Variants in HSD11B1L observed in about 807,000 individuals in gnomAD.
HSD11B1L encodes the protein hydroxysteroid 11-beta-dehydrogenase 1-like protein.
Under a neutral mutation model 27.0 loss-of-function variants are expected in HSD11B1L, and 22 were observed. That is an observed-to-expected ratio of 0.81 (90% CI 0.58 to 1.16). The LOEUF (loss-of-function observed/expected upper bound fraction) is 1.16. HSD11B1L is among the 50% of genes most tolerant of loss of function. HSD11B1L has a pLI of 0.00. For missense variants in HSD11B1L, 372 were observed against 401.8 expected (o/e 0.93, Z 0.63); for synonymous variants, 187 against 189.2 (o/e 0.99, Z 0.09).
At chr19:5,681,769 A>C (rs1047069984) in intron 1 of HSD11B1L, among the ~76,000 whole-genome samples, 8 of 149,384 alleles carry the variant, frequency 5.4e-5, no homozygotes, top group Non-Finnish European at 3.0e-5. Flanking sequence ...TCCGTCCATC[A>C]TCCATCCATC....
In HSD11B1L at chr19:5,685,396, C is replaced by G. The variant is rs749988984; in HGVS notation, c.204+277C>G. 7.2e-6 allele frequency: 4 copies of G among 555,208 alleles called. No homozygotes were observed. Among genetic ancestry groups the G allele is most frequent in the Non-Finnish European group, 1.4e-5 (4 of 295,242 alleles). The allele number at this position is 555,208 out of a possible 1,614,324, so 34.4% of individuals were successfully genotyped here. A position where few individuals can be genotyped will look rare whatever the true frequency, so the allele number is the denominator to read the frequency against. ...TTCAAGACCAGCCTGGCCAACATGGCGAAACCTGGTCTCTACTAAGAAGAC... is the reference window on the plus strand; with the variant it reads ...TTCAAGACCAGCCTGGCCAACATGGGGAAACCTGGTCTCTACTAAGAAGAC... On this transcript the variant is annotated intron_variant, in intron 3 of 7. Transcript: ENST00000339423. The surrounding 1 kb of genome is among the most constrained non-coding windows in gnomAD (Gnocchi z 4.3).
Position 5,683,461 on chromosome 19 carries a change from T to C in HSD11B1L, c.-14-1358T>C, listed in dbSNP as rs184481153. On this transcript the variant is annotated intron_variant, in intron 1 of 7. Coordinates refer to ENST00000339423, the MANE Select transcript of HSD11B1L (RefSeq NM_198706.3). ...CACTCCATGATCAATCTGGTACCTA[T>C]TGAGCACCTACTGTGTACCTGGCAC... 1.3e-3 allele frequency among the ~76,000 whole-genome samples: 203 copies of C among 152,250 alleles called. 2 individuals carry two copies. The highest frequency in any genetic ancestry group is 1.9e-3 in the Non-Finnish European group (126 of 68,018).
Position 5,684,874 on chromosome 19 carries a change from C to T in HSD11B1L, c.42C>T (p.Phe14=), listed in dbSNP as rs771610051. The T allele has an allele frequency of 1.2e-5, 19 of 1,613,864 alleles. No homozygotes were observed. Among genetic ancestry groups the T allele is most frequent in the East Asian group, 2.2e-5 (1 of 44,878 alleles). Residue 14 remains phenylalanine (F), a synonymous_variant, in exon 2 of 8, where the codon TTC becomes TTT. Coordinates refer to ENST00000339423, the MANE Select transcript of HSD11B1L (RefSeq NM_198706.3). ...TCACAGGGCTGGGGGCCCTGTTCTT[C>T]GCCTATTATTGGGATGACAACTTCG... is the stretch of plus-strand genomic sequence containing the variant. ...LLLTGLGALF[F]AYYWDDNFDP...
rs375124361 is a variant in HSD11B1L at position 5,687,489 on chromosome 19, G to A, written c.503-14G>A. 126 of 1,589,926 alleles carry A rather than the reference G, an allele frequency of 7.9e-5. No individual in the cohort carries two copies. The highest frequency in any genetic ancestry group is 1.0e-4 in the Non-Finnish European group (123 of 1,173,694). On this transcript the variant is annotated splice_polypyrimidine_tract_variant and intron_variant, in intron 6 of 7. Coordinates refer to ENST00000339423, the MANE Select transcript of HSD11B1L (RefSeq NM_198706.3). The surrounding 1 kb of genome is among the most constrained non-coding windows in gnomAD (Gnocchi z 6.6). Reference sequence around the variant, plus strand: ...GAGGGGGAGCCACTCAGCCGCTGCCGTCCGCGCCCCCAGGCCGCGTGCCCA... The same window carrying A: ...GAGGGGGAGCCACTCAGCCGCTGCCATCCGCGCCCCCAGGCCGCGTGCCCA...
At chr19:5,684,764 G>C in intron 1 of HSD11B1L, 55 bp from the exon 2 acceptor site, 1 of 1,609,302 alleles carries the variant, frequency 6.2e-7, no homozygotes, top group Non-Finnish European at 8.5e-7. Flanking sequence ...CACCAAACAC[G>C]GGTGGCTGTG....
rs2054768140 is a variant in HSD11B1L, at chr19:5,688,451, G to A, written c.*506G>A. 1 of 526,686 alleles carries A rather than the reference G, an allele frequency of 1.9e-6. No individual in the cohort carries two copies. The allele number at this position is 526,686 out of a possible 1,614,324, so 32.6% of individuals were successfully genotyped here. ...CCTGGTGGCAGGGTCTGAGCGGGAG[G>A]AGGAGGGAAAGAGTGTGTTCTGAGC... On this transcript the variant is annotated 3_prime_UTR_variant, in exon 8 of 8. Coordinates refer to ENST00000339423, the MANE Select transcript of HSD11B1L (RefSeq NM_198706.3).
Position 5,685,807 on chromosome 19 carries a change from G to A in HSD11B1L, c.205-609G>A, listed in dbSNP as rs2054675514. Among the ~76,000 whole-genome samples, 1 of 152,096 alleles carries A rather than the reference G, an allele frequency of 6.6e-6. No homozygotes were observed. Among genetic ancestry groups the A allele is most frequent in the African/African-American group, 2.4e-5 (1 of 41,392 alleles). ...TAGTCCCAGCTACATGGGAGGCTGA[G>A]TCAGGAGAATCACTTGAACCCCGGA... On this transcript the variant is annotated intron_variant, in intron 3 of 7. Coordinates refer to ENST00000339423, the MANE Select transcript of HSD11B1L (RefSeq NM_198706.3). This position sits in a 1 kb window ranked among gnomAD's most constrained non-coding sequence, Gnocchi z 4.3.
At chr19:5,683,432 A>G (rs562292022) in intron 1 of HSD11B1L, among the ~76,000 whole-genome samples, 1 of 152,200 alleles carries the variant, frequency 6.6e-6, no homozygotes, top group South Asian at 2.1e-4. Context: ...CACGTGCCTC[A>G]TATCACTCCA....
Position 5,687,953 on chromosome 19 carries a change from G to A in HSD11B1L, c.*8G>A, listed in dbSNP as rs750688958. ...ACGGCCGCGGCAGCCTGAGCACCGG[G>A]GGGTGCCCCTCCAGTCCCAGACGGC... On this transcript the variant is annotated 3_prime_UTR_variant, in exon 8 of 8. Coordinates refer to ENST00000339423, the MANE Select transcript of HSD11B1L (RefSeq NM_198706.3). This position sits in a 1 kb window ranked among gnomAD's most constrained non-coding sequence, Gnocchi z 6.6. 5 of 1,558,706 alleles carry A rather than the reference G, an allele frequency of 3.2e-6. No individual in the cohort carries two copies. The highest frequency in any genetic ancestry group is 1.4e-5 in the African/African-American group (1 of 73,272).
At position 5,686,463 on chromosome 19, in the gene HSD11B1L, C is replaced by G; in HGVS notation, c.252C>G (p.Ile84Met). Reference sequence around the variant, plus strand: ...TGGGCGCCCCCAAGGTCTTCTACATCGCGGCGGACATGGCCTCCCCTGAGG... The same window carrying G: ...TGGGCGCCCCCAAGGTCTTCTACATGGCGGCGGACATGGCCTCCCCTGAGG... Reference protein sequence around the residue: ...RKLGAPKVFYIAADMASPEAP... With the variant: ...RKLGAPKVFYMAADMASPEAP... The change falls in exon 4 of 8, where the codon ATC becomes ATG. Residue 84 changes from isoleucine (I) to methionine (M), a missense_variant. Ile to Met is a conservative substitution (Grantham distance 10). Transcript: ENST00000339423. 6.3e-7 allele frequency: 1 copy of G among 1,588,384 alleles called. No individual in the cohort carries two copies. Among genetic ancestry groups the G allele is most frequent in the Non-Finnish European group, 8.6e-7 (1 of 1,169,320 alleles).
At position 5,685,021 on chromosome 19, in the gene HSD11B1L, G is replaced by C; in HGVS notation, c.106G>C (p.Gly36Arg). 1 of 1,585,812 alleles carries C rather than the reference G, an allele frequency of 6.3e-7. No homozygotes were observed. The highest frequency in any genetic ancestry group is 1.1e-5 in the South Asian group (1 of 88,550). ...SLQGARVLLTGANAGVGEELA... is the reference protein window; with the variant it reads ...SLQGARVLLTRANAGVGEELA... ...CCAGGGAGCGCGAGTGCTGCTGACA[G>C]GGGCCAACGCTGGTGTTGGTGAGGA... The change falls in exon 3 of 8, where the codon GGG (glycine) becomes CGG (arginine). Residue 36 changes from glycine (G) to arginine (R), a missense_variant. Gly to Arg is a moderately radical substitution (Grantham distance 125). Transcript: ENST00000339423. This position sits in a 1 kb window ranked among gnomAD's most constrained non-coding sequence, Gnocchi z 4.3.
At position 5,685,211 on chromosome 19, in the gene HSD11B1L, C is replaced by G; in HGVS notation, c.204+92C>G. On this transcript the variant is annotated intron_variant, in intron 3 of 7. Coordinates refer to ENST00000339423, the MANE Select transcript of HSD11B1L (RefSeq NM_198706.3). The surrounding 1 kb of genome is among the most constrained non-coding windows in gnomAD (Gnocchi z 4.3). ...TAATCCCTGCAATGATCCAGGCTTC[C>G]CGTGTGACCTTGGGCAAGTCGCCTA... 6.8e-7 allele frequency: 1 copy of G among 1,480,402 alleles called. No homozygotes were observed. The highest frequency in any genetic ancestry group is 9.1e-7 in the Non-Finnish European group (1 of 1,096,406). 91.7% of individuals were successfully genotyped at this position (1,480,402 alleles called of 1,614,324 possible).
chr19:5,687,766 G>T lies in HSD11B1L; in HGVS notation c.682G>T (p.Val228Phe), dbSNP rs1177542932. ...TCCTGTCCCCAGGGGAGTCACGAGG[G>T]TCAAGGCGGCCCCGGGGCCCAAGGC... ...AAEAVRGVTR[V>F]KAAPGPKAAL... is the part of the protein sequence containing the mutation. Residue 228 changes from valine to phenylalanine, a missense_variant, in exon 8 of 8, where the codon GTC becomes TTC. Coordinates refer to ENST00000339423, the MANE Select transcript of HSD11B1L (RefSeq NM_198706.3). The surrounding 1 kb of genome is among the most constrained non-coding windows in gnomAD (Gnocchi z 6.6). 8.8e-6 allele frequency: 13 copies of T among 1,482,886 alleles called. No individual in the cohort carries two copies. Among genetic ancestry groups the T allele is most frequent in the Non-Finnish European group, 9.8e-6 (11 of 1,123,324 alleles). The allele number at this position is 1,482,886 out of a possible 1,614,324, so 91.9% of individuals were successfully genotyped here.
rs1024939759 is a variant in HSD11B1L, at chr19:5,688,231, T to C, written c.*286T>C. ...GCTTCCATTTTGCAGATGAGGAAAC[T>C]AAGGCTCAGAGAGGCCACGCCACCC... On this transcript the variant is annotated 3_prime_UTR_variant, in exon 8 of 8. Coordinates refer to ENST00000339423, the MANE Select transcript of HSD11B1L (RefSeq NM_198706.3). The C allele has an allele frequency of 1.6e-5, 25 of 1,524,142 alleles. 1 individual carries two copies. The highest frequency in any genetic ancestry group is 7.3e-5 in the South Asian group (6 of 81,696). 94.4% of individuals were successfully genotyped at this position (1,524,142 alleles called of 1,614,324 possible).
rs1206979115 is a variant in HSD11B1L at position 5,688,210 on chromosome 19, C to G, written c.*265C>G. On this transcript the variant is annotated 3_prime_UTR_variant, in exon 8 of 8. Coordinates refer to ENST00000339423, the MANE Select transcript of HSD11B1L (RefSeq NM_198706.3). ...GCCATGATTGATGACGTGACTGCTT[C>G]CATTTTGCAGATGAGGAAACTAAGG... 7.8e-6 allele frequency: 12 copies of G among 1,540,984 alleles called. No individual in the cohort carries two copies. The highest frequency in any genetic ancestry group is 2.6e-6 in the Non-Finnish European group (3 of 1,142,894).
rs775500322 is a variant in HSD11B1L at position 5,687,706 on chromosome 19, A to G, written c.668+38A>G. ...CAAGCTGGGGGCTGGGCTGGGGGCC[A>G]TGGCCCAGCCCCAGCCGCAGTCCCC... On this transcript the variant is annotated intron_variant, in intron 7 of 7. Coordinates refer to ENST00000339423, the MANE Select transcript of HSD11B1L (RefSeq NM_198706.3). This position sits in a 1 kb window ranked among gnomAD's most constrained non-coding sequence, Gnocchi z 6.6. The G allele has an allele frequency of 7.8e-6, 12 of 1,529,392 alleles. No homozygotes were observed. The highest frequency in any genetic ancestry group is 1.1e-5 in the Non-Finnish European group (12 of 1,142,750). The allele number at this position is 1,529,392 out of a possible 1,614,324, so 94.7% of individuals were successfully genotyped here.
At position 5,686,946 on chromosome 19, in the gene HSD11B1L, C is replaced by G; in HGVS notation, c.363C>G (p.Ala121=). The G allele has an allele frequency of 6.4e-7, 1 of 1,553,010 alleles. No homozygotes were observed. Among genetic ancestry groups the G allele is most frequent in the Non-Finnish European group, 8.7e-7 (1 of 1,149,508 alleles). The change falls in exon 5 of 8, where the codon GCC becomes GCG. Residue 121 remains alanine, a synonymous_variant. Coordinates refer to ENST00000339423, the MANE Select transcript of HSD11B1L (RefSeq NM_198706.3). The part of the protein sequence containing the change: ...LVLNHIGGAP[A]GTRARSPQAT... The stretch of plus-strand genomic sequence containing the variant: ...TGAACCACATCGGCGGCGCCCCGGC[C>G]GGCACGCGAGCCCGCAGCCCCCAGG...
chr19:5,686,659 T>G, intron 4 of HSD11B1L, 132 bp downstream of exon 4: 2 of 736,876 alleles, frequency 2.7e-6, no homozygotes, highest in Non-Finnish European at 4.4e-6. Context: ...ACTGGGGGCG[T>G]GGGCGGGGTG....
rs564522742 is a variant in HSD11B1L at position 5,687,401 on chromosome 19, C to A, written c.502+26C>A. On this transcript the variant is annotated intron_variant, in intron 6 of 7. Transcript: ENST00000339423. This position sits in a 1 kb window ranked among gnomAD's most constrained non-coding sequence, Gnocchi z 6.6. ...GTGCGTGCACCCGGCCCCGGCTCTG[C>A]GGGACGGGGAGTGGGGAGCTCGATG... The A allele has an allele frequency of 4.0e-5, 64 of 1,606,662 alleles. No individual in the cohort carries two copies. In the East Asian group the frequency reaches 1.4e-3, roughly 36 times the overall value.
Sources: allele counts gnomAD v4.1 joint callset (sites outside exome capture counted in the v4.1 genomes callset), GRCh38; gene constraint gnomAD v4.1.1; non-coding constraint Gnocchi (gnomAD v3.1); transcripts MANE v1.5; gene names NCBI Gene and HGNC (gene_info 2026-07-23, HGNC 2026-07-21).